The following MMS22L variants were observed in gnomAD, a reference collection of about 807,000 sequenced individuals.
MMS22L encodes MMS22 like, DNA repair protein, also known as protein MMS22-like.
Under a neutral mutation model 159.1 loss-of-function variants are expected in MMS22L, and 74 were observed. The ratio of observed to expected loss-of-function variants is 0.47; its 90% CI spans 0.39 to 0.56. The LOEUF (loss-of-function observed/expected upper bound fraction) is 0.56, where lower values mean the gene tolerates loss of function less well. Among genes scored for constraint, MMS22L ranks in the 20% least tolerant of loss-of-function variants. MMS22L has a pLI of 0.00. For missense variants in MMS22L, 1,351 were observed against 1,422.1 expected, an observed-to-expected ratio of 0.95 and a Z score of 0.80; for synonymous variants, 517 against 506.9, an observed-to-expected ratio of 1.02 and a Z score of -0.27.
chr6:97,197,421 C>CAG (rs1806644740), intron 14 of MMS22L, among the ~76,000 whole-genome samples: 1 of 152,058 alleles, frequency 6.6e-6, no homozygotes, highest in African/African-American at 2.4e-5. Context: ...TTTCTACTAC[C>CAG]AGAGTATCAC....
intron 14 of MMS22L, among the ~76,000 whole-genome samples, chr6:97,228,513 T>C (rs1483076825): frequency 6.6e-6 from 1 of 152,212 alleles, no homozygotes; most frequent in South Asian, 2.1e-4. Flanking sequence ...CTTTGTTTCA[T>C]GCACAAAATT....
At chr6:97,156,051 TGGTTTTG>T (rs1293593084) in intron 22 of MMS22L, among the ~76,000 whole-genome samples, 1 of 152,218 alleles carries the variant, frequency 6.6e-6, no homozygotes, top group Non-Finnish European at 1.5e-5. Flanking sequence ...TATCTCATTG[TGGTTTTG>T]ATTTGCATTT....
At chr6:97,167,787 A>T (rs1413705507) in intron 20 of MMS22L, among the ~76,000 whole-genome samples, 1 of 151,020 alleles carries the variant, frequency 6.6e-6, no homozygotes, top group African/African-American at 2.4e-5. Context: ...ATATCTCCTC[A>T]CCCATAGTCT....
intron 9 of MMS22L, chr6:97,259,577 G>A (rs1814219329): frequency 1.3e-5 from 2 of 152,074 alleles, no homozygotes; most frequent in African/African-American, 2.4e-5. Flanking sequence ...CTGGTTTGCA[G>A]ACCTTTGGAC....
At chr6:97,168,486 C>A (rs757730647) in intron 19 of MMS22L, among the ~76,000 whole-genome samples, 4 of 152,064 alleles carry the variant, frequency 2.6e-5, no homozygotes, top group Non-Finnish European at 5.9e-5. Flanking sequence ...TTAATATATA[C>A]ACTGGTTAAG....
At chr6:97,277,168 G>A (rs957514826) in intron 4 of MMS22L, among the ~76,000 whole-genome samples, 27 of 152,004 alleles carry the variant, frequency 1.8e-4, no homozygotes, top group African/African-American at 5.1e-4. Flanking sequence ...TAATCCCAGC[G>A]CTTTGGGAGG....
Position 97,250,416 on chromosome 6 carries a change from CCTGA to C in MMS22L, c.1120-3730_1120-3727del, listed in dbSNP as rs758024599. ...CGATTCAAAGACGAGCATCAGCTAG[CCTGA>C]CTAATTGCATTATGTTCTGGGTACA... On this transcript the variant is annotated intron_variant, in intron 10 of 24. Transcript: ENST00000683635. Among the ~76,000 whole-genome samples, 8 of 152,122 alleles carry C rather than the reference CCTGA, an allele frequency of 5.3e-5. No individual in the cohort carries two copies. In the East Asian group the frequency reaches 9.6e-4, roughly 18 times the overall value.
At chr6:97,273,439 G>C (rs1004552691) in intron 4 of MMS22L, among the ~76,000 whole-genome samples, 2 of 152,010 alleles carry the variant, frequency 1.3e-5, no homozygotes, top group African/African-American at 4.8e-5. Flanking sequence ...ACTCAGTCCT[G>C]AATCCTCTAC....
intron 4 of MMS22L, among the ~76,000 whole-genome samples, chr6:97,274,233 A>T (rs1816036606): frequency 6.6e-6 from 1 of 152,240 alleles, no homozygotes; most frequent in Non-Finnish European, 1.5e-5. Context: ...GTTTAATTCA[A>T]ATGAACAATC....
At chr6:97,264,765 A>C (rs1316022885) in intron 8 of MMS22L, 2 of 152,176 alleles carry the variant, frequency 1.3e-5, no homozygotes, top group Non-Finnish European at 2.9e-5. Context: ...CTATCCAAAA[A>C]AGAAATCAAT....
chr6:97,256,649 T>C (rs1398162640), intron 9 of MMS22L, among the ~76,000 whole-genome samples: 1 of 152,180 alleles, frequency 6.6e-6, no homozygotes, highest in South Asian at 2.1e-4. Context: ...CAATTGTCAC[T>C]CTTTTAGTGG....
chr6:97,242,920 C>G (rs1040933875), intron 11 of MMS22L, among the ~76,000 whole-genome samples: 2 of 152,116 alleles, frequency 1.3e-5, no homozygotes, highest in Admixed American at 1.3e-4. Flanking sequence ...TCCCTTCTAG[C>G]TTGTATTCTG....
At chr6:97,155,653 T>C (rs1333078984) in intron 22 of MMS22L, among the ~76,000 whole-genome samples, 1 of 152,210 alleles carries the variant, frequency 6.6e-6, no homozygotes, top group Non-Finnish European at 1.5e-5. Flanking sequence ...TCATCCTTTT[T>C]TATGGCTGCA....
intron 14 of MMS22L, among the ~76,000 whole-genome samples, chr6:97,193,338 A>C (rs1019951329): frequency 3.3e-5 from 5 of 152,180 alleles, no homozygotes; most frequent in Admixed American, 6.5e-5. Context: ...CTTACATACA[A>C]TAAAAGGGGT....
At chr6:97,251,640 A>G (rs552358988) in intron 10 of MMS22L, among the ~76,000 whole-genome samples, 1 of 152,298 alleles carries the variant, frequency 6.6e-6, no homozygotes, top group Non-Finnish European at 1.5e-5. Context: ...AAAATATGTG[A>G]TTTTTTAAAA....
intron 11 of MMS22L, among the ~76,000 whole-genome samples, chr6:97,242,387 C>T (rs1321736094): frequency 6.6e-6 from 1 of 152,240 alleles, no homozygotes; most frequent in Non-Finnish European, 1.5e-5. Flanking sequence ...GTTTTAAAAT[C>T]TGTTTTGTCT....
At chr6:97,184,012 C>T (rs1016979086) in intron 15 of MMS22L, among the ~76,000 whole-genome samples, 1 of 152,124 alleles carries the variant, frequency 6.6e-6, no homozygotes, top group African/African-American at 2.4e-5. Flanking sequence ...TCTGGAATTG[C>T]TCTTTTCACC....
At chr6:97,149,444 A>G (rs528223809) in intron 24 of MMS22L, among the ~76,000 whole-genome samples, 2 of 152,298 alleles carry the variant, frequency 1.3e-5, no homozygotes, top group African/African-American at 2.4e-5. Flanking sequence ...CTAGATACAC[A>G]TGATACAGTT....
At chr6:97,237,090 A>C (rs1469799221) in intron 11 of MMS22L, among the ~76,000 whole-genome samples, 1 of 152,210 alleles carries the variant, frequency 6.6e-6, no homozygotes, top group Non-Finnish European at 1.5e-5. Context: ...GGACAGAAAA[A>C]TGAAAAGGTC....
Sources: gnomAD v4.1 joint callset for allele counts (sites outside exome capture counted in the v4.1 genomes callset) on GRCh38, gnomAD v4.1.1 for gene constraint, MANE v1.5 for transcripts, NCBI Gene and HGNC (gene_info 2026-07-23, HGNC 2026-07-21) for gene names.